STK33: variants seen among roughly 807,000 people sequenced by gnomAD.
STK33 encodes serine/threonine-protein kinase 33.
In STK33, 52 loss-of-function variants were observed where a neutral mutation model predicts 58.0. That is an observed-to-expected ratio of 0.90 (90% CI 0.72 to 1.13). STK33 has a LOEUF of 1.13. Ranked by LOEUF, STK33 falls within the 50% of genes most tolerant of loss-of-function variation. The pLI is 0.00. For missense variants in STK33, 630 were observed against 604.2 expected (o/e 1.04, Z -0.45); for synonymous variants, 215 against 200.1 (o/e 1.07, Z -0.63).
intron 1 of STK33, among the ~76,000 whole-genome samples, chr11:8,537,062 C>T (rs1362167600): frequency 1.6e-5 from 2 of 122,950 alleles, no homozygotes; most frequent in Non-Finnish European, 3.2e-5. Flanking sequence ...GTCACTGCAA[C>T]CTCTGCCTCC....
chr11:8,552,909 G>A (rs1361709761), intron 1 of STK33, among the ~76,000 whole-genome samples: 1 of 151,640 alleles, frequency 6.6e-6, no homozygotes, highest in Admixed American at 6.6e-5. Flanking sequence ...CCAACACTTT[G>A]GGAGGCCAAG....
At chr11:8,362,620 G>A in the STK33 span, among the ~76,000 whole-genome samples, 2 of 152,346 alleles carry the variant, frequency 1.3e-5, no homozygotes, top group Admixed American at 1.3e-4. Flanking sequence ...GTGGCTAATA[G>A]TGTGGAGTTC....
chr11:8,454,993 C>T (rs974023578), intron 9 of STK33, among the ~76,000 whole-genome samples, 161 bp from the exon 10 acceptor site: 2 of 152,132 alleles, frequency 1.3e-5, no homozygotes, highest in Non-Finnish European at 2.9e-5. Flanking sequence ...TAAATGCTTC[C>T]TCCACATTTC....
chr11:8,545,959 C>T (rs1228897430), intron 1 of STK33, among the ~76,000 whole-genome samples: 1 of 152,172 alleles, frequency 6.6e-6, no homozygotes, highest in East Asian at 1.9e-4. Context: ...TGTGGTATAG[C>T]CTCTTGTTCC....
At chr11:8,360,559 C>T in the STK33 span, among the ~76,000 whole-genome samples, 19,296 of 152,328 alleles carry the variant, frequency 0.13, 1,447 homozygotes, top group African/African-American at 0.2. Context: ...AAGTCCAGCA[C>T]AGTCTGATGG....
At chr11:8,335,200 C>T in the STK33 span, among the ~76,000 whole-genome samples, 3 of 152,222 alleles carry the variant, frequency 2.0e-5, no homozygotes, top group African/African-American at 7.2e-5. Context: ...TCAGCTCAGG[C>T]AACTCTGGGC....
At chr11:8,510,352 G>C (rs1445419659) in intron 1 of STK33, among the ~76,000 whole-genome samples, 1 of 151,894 alleles carries the variant, frequency 6.6e-6, no homozygotes, top group Non-Finnish European at 1.5e-5. Flanking sequence ...GGGATTATTT[G>C]TTTTTTTCTT....
At chr11:8,580,351 G>A (rs778585929) in intron 1 of STK33, among the ~76,000 whole-genome samples, 31 of 152,094 alleles carry the variant, frequency 2.0e-4, no homozygotes, top group Non-Finnish European at 3.7e-4. Flanking sequence ...TATGTTAAAC[G>A]AAATGAGCCA....
rs898943381 is a variant in STK33 at position 8,464,881 on chromosome 11, A to G, written c.340-59T>C. 3 of 1,106,212 alleles carry G rather than the reference A, an allele frequency of 2.7e-6. No individual in the cohort carries two copies. The African/African-American group carries it at 4.7e-5, about 17-fold the overall frequency. The allele number at this position is 1,106,212 out of a possible 1,614,324, so 68.5% of individuals were successfully genotyped here. A position where few individuals can be genotyped will look rare whatever the true frequency, so the allele number is the denominator to read the frequency against. Reference sequence around the variant, plus strand: ...TGCCATTCATCAGCTATTAAAAATGAACATATAATACTGACAGATACTCAC... The same window carrying G: ...TGCCATTCATCAGCTATTAAAAATGGACATATAATACTGACAGATACTCAC... On this transcript the variant is annotated intron_variant, in intron 6 of 15. Coordinates refer to ENST00000687296, the MANE Select transcript of STK33 (RefSeq NM_001352389.2).
At chr11:8,349,309 A>G in the STK33 span, among the ~76,000 whole-genome samples, 9 of 152,044 alleles carry the variant, frequency 5.9e-5, no homozygotes, top group East Asian at 1.5e-3. Context: ...GATTATTGTT[A>G]TTTTCCCATT....
chr11:8,426,376 C>T (rs554847934), intron 14 of STK33, among the ~76,000 whole-genome samples: 5 of 152,284 alleles, frequency 3.3e-5, no homozygotes, highest in Middle Eastern at 3.4e-3. Context: ...GCTAGGGTCT[C>T]GGGTTTTTTA....
the STK33 span, among the ~76,000 whole-genome samples, chr11:8,338,211 C>T: frequency 3.3e-5 from 5 of 152,134 alleles, no homozygotes; most frequent in South Asian, 2.1e-4. Flanking sequence ...GCCAGCATAC[C>T]GGCTTCTGTG....
At chr11:8,490,928 ATCTG>A in intron 1 of STK33, among the ~76,000 whole-genome samples, 1 of 152,180 alleles carries the variant, frequency 6.6e-6, no homozygotes, top group African/African-American at 2.4e-5. Context: ...CCAAAACCCC[ATCTG>A]TAGGTCACCA....
intron 14 of STK33, among the ~76,000 whole-genome samples, chr11:8,432,589 A>G (rs1427722104): frequency 6.6e-6 from 1 of 152,342 alleles, no homozygotes; most frequent in South Asian, 2.1e-4. Context: ...GATATTTACC[A>G]CATTTCAAAA....
chr11:8,495,556 T>C (rs1483369979), intron 1 of STK33, among the ~76,000 whole-genome samples: 1 of 152,176 alleles, frequency 6.6e-6, no homozygotes, highest in Non-Finnish European at 1.5e-5. Flanking sequence ...CTCAAGGATC[T>C]AGAACTAGAA....
At chr11:8,572,274 A>G (rs1957880826) in intron 1 of STK33, among the ~76,000 whole-genome samples, 1 of 152,094 alleles carries the variant, frequency 6.6e-6, no homozygotes, top group African/African-American at 2.4e-5. Context: ...GACAACAGAG[A>G]TAAATTATCC....
At chr11:8,504,094 G>C (rs1430435853) in intron 1 of STK33, among the ~76,000 whole-genome samples, 1 of 152,066 alleles carries the variant, frequency 6.6e-6, no homozygotes, top group Non-Finnish European at 1.5e-5. Context: ...TACAAAATAG[G>C]AAAATTTTCC....
At chr11:8,517,042 G>T (rs956808066) in intron 1 of STK33, among the ~76,000 whole-genome samples, 2 of 152,182 alleles carry the variant, frequency 1.3e-5, no homozygotes, top group Non-Finnish European at 2.9e-5. Context: ...CCTCAAGTGG[G>T]TCCCTGACCC....
chr11:8,422,829 CTCTTT>C (rs906025945), intron 14 of STK33, among the ~76,000 whole-genome samples: 2 of 151,548 alleles, frequency 1.3e-5, no homozygotes, highest in African/African-American at 4.8e-5. Flanking sequence ...TTTTCTCTCT[CTCTTT>C]TTTTTCTTGA....
Sources: allele counts gnomAD v4.1 joint callset (sites outside exome capture counted in the v4.1 genomes callset), GRCh38; gene constraint gnomAD v4.1.1; transcripts MANE v1.5; gene names NCBI Gene and HGNC (gene_info 2026-07-23, HGNC 2026-07-21).